Variants in SLIT2 observed in about 807,000 individuals in gnomAD.
SLIT2 encodes slit guidance ligand 2.
In SLIT2, 41 loss-of-function variants were observed where a neutral mutation model predicts 185.7. The ratio of observed to expected loss-of-function variants is 0.22; its 90% CI spans 0.17 to 0.29. The LOEUF (loss-of-function observed/expected upper bound fraction) is 0.29. Ranked by LOEUF, SLIT2 falls within the 10% of genes least tolerant of loss-of-function variation. The pLI, the probability that SLIT2 is intolerant of heterozygous loss-of-function variation, is 1.00. For missense variants in SLIT2, 1,571 were observed against 1,909.0 expected (o/e 0.82, Z 3.30); for synonymous variants, 693 against 680.2 (o/e 1.02, Z -0.29).
At chr4:20,407,491 C>T (rs10008965) in intron 4 of SLIT2, among the ~76,000 whole-genome samples, 1 of 152,044 alleles carries the variant, frequency 6.6e-6, no homozygotes, top group African/African-American at 2.4e-5. Context: ...GATATCTTCC[C>T]CCTCCCTGGC....
rs117278052 is a variant in SLIT2 at position 20,620,364 on chromosome 4, G to A, written c.*1355G>A. The A allele has an allele frequency of 7.8e-3, 3,505 of 449,274 alleles. 97 individuals are homozygous for A. Among genetic ancestry groups the A allele is most frequent in the South Asian group, 0.046 (2,853 of 62,444 alleles). The allele number at this position is 449,274 out of a possible 1,614,324, so 27.8% of individuals were successfully genotyped here. On this transcript the variant is annotated 3_prime_UTR_variant, in exon 37 of 37. Coordinates refer to ENST00000504154, the MANE Select transcript of SLIT2 (RefSeq NM_004787.4). ...AAATTACAATGTAGAATTGATAATG[G>A]TTTATAGTGAACTGTGCTCTTCCCT... is the stretch of plus-strand genomic sequence containing the variant.
intron 4 of SLIT2, among the ~76,000 whole-genome samples, chr4:20,432,386 A>G (rs146563135): frequency 3.0e-4 from 45 of 152,326 alleles, no homozygotes; most frequent in African/African-American, 1.1e-3. Context: ...CAAGAAAAAT[A>G]CTTCTGAGAA....
intron 21 of SLIT2, 74 bp from the exon 22 acceptor site, chr4:20,545,951 AAGAGTG>A: frequency 1.4e-6 from 1 of 690,610 alleles, no homozygotes; most frequent in Non-Finnish European, 2.3e-6. Flanking sequence ...TGCCTCAGTT[AAGAGTG>A]AAGTACTGTT....
intron 4 of SLIT2, among the ~76,000 whole-genome samples, chr4:20,330,713 T>TC (rs1719991248): frequency 6.6e-6 from 1 of 151,606 alleles, no homozygotes; most frequent in African/African-American, 2.4e-5. Context: ...GTATTTTTTT[T>TC]CCTATTTCCA....
At chr4:20,331,208 A>G (rs758281573) in intron 4 of SLIT2, among the ~76,000 whole-genome samples, 3 of 152,164 alleles carry the variant, frequency 2.0e-5, no homozygotes, top group Non-Finnish European at 4.4e-5. Context: ...ATGAATTCAC[A>G]TAGGAAAAAA....
intron 4 of SLIT2, among the ~76,000 whole-genome samples, chr4:20,379,036 G>T (rs1430306360): frequency 6.6e-6 from 1 of 152,108 alleles, no homozygotes; most frequent in Non-Finnish European, 1.5e-5. Context: ...GTACAGAGGG[G>T]TTTTAGGCCA....
chr4:20,504,964 G>C (rs1719070635), intron 9 of SLIT2, among the ~76,000 whole-genome samples: 1 of 151,966 alleles, frequency 6.6e-6, no homozygotes, highest in Non-Finnish European at 1.5e-5. Flanking sequence ...AGTGTATATA[G>C]GGTTCAGTAC....
At chr4:20,458,748 G>C (rs186846427) in intron 4 of SLIT2, among the ~76,000 whole-genome samples, 1 of 152,280 alleles carries the variant, frequency 6.6e-6, no homozygotes, top group Admixed American at 6.5e-5. Flanking sequence ...TCAAATCCCA[G>C]CTCCGCTGCT....
intron 4 of SLIT2, among the ~76,000 whole-genome samples, chr4:20,399,599 A>G (rs1035550477): frequency 6.6e-6 from 1 of 151,944 alleles, no homozygotes; most frequent in South Asian, 2.1e-4. Flanking sequence ...GTGTTCCTTG[A>G]GTACCTAATG....
intron 29 of SLIT2, among the ~76,000 whole-genome samples, chr4:20,571,283 A>G (rs1725582814): frequency 6.6e-6 from 1 of 152,174 alleles, no homozygotes; most frequent in Admixed American, 6.6e-5. Flanking sequence ...TAATTTGGGC[A>G]AAGAATCAAC....
chr4:20,541,467 A>G lies in SLIT2; in HGVS notation c.1991A>G (p.Asn664Ser), dbSNP rs1722796512. The part of the protein sequence containing the change: ...HSLSTLNLLA[N>S]PFNCNCYLAW... ...GTGGCTCTTAGAAACCTCTTGGCCA[A>G]TCCTTTTAACTGTAACTGCTACCTG... The change falls in exon 20 of 37, where the codon AAT (asparagine) becomes AGT (serine). Residue 664 changes from asparagine to serine, a missense_variant. Physicochemically the swap from Asn to Ser is conservative, Grantham distance 46 (BLOSUM62 1). This residue lies in a region of SLIT2 where 1,202 missense variants were observed against 1,416.4 expected (regional missense o/e 0.85). Coordinates refer to ENST00000504154, the MANE Select transcript of SLIT2 (RefSeq NM_004787.4). 6.2e-7 allele frequency: 1 copy of G among 1,613,966 alleles called. No homozygotes were observed. Among genetic ancestry groups the G allele is most frequent in the Non-Finnish European group, 8.5e-7 (1 of 1,179,926 alleles).
chr4:20,372,217 A>G (rs1165757030), intron 4 of SLIT2, among the ~76,000 whole-genome samples: 1 of 152,040 alleles, frequency 6.6e-6, no homozygotes, highest in Non-Finnish European at 1.5e-5. Context: ...TTCTATTTCC[A>G]TTTCACAGGT....
chr4:20,488,220 G>A (rs1484844409), intron 7 of SLIT2, among the ~76,000 whole-genome samples: 5 of 152,130 alleles, frequency 3.3e-5, no homozygotes, highest in Non-Finnish European at 7.4e-5. Context: ...CCTGCTCTTT[G>A]AGGCTAGGTC....
Position 20,615,805 on chromosome 4 carries a change from G to A in SLIT2, c.3848-1105G>A, listed in dbSNP as rs548613876. On this transcript the variant is annotated intron_variant, in intron 34 of 36. Transcript: ENST00000504154. ...GACCCCCTGAAGAGTGAGAAACTGGGTCTTCCTCAGCCTAGAACTTCCAGC... is the reference window on the plus strand; with the variant it reads ...GACCCCCTGAAGAGTGAGAAACTGGATCTTCCTCAGCCTAGAACTTCCAGC... 3.3e-5 allele frequency: 5 copies of A among 152,354 alleles called. No homozygotes were observed. In the South Asian group the frequency reaches 1.0e-3, roughly 32 times the overall value. 9.4% of individuals were successfully genotyped at this position (152,354 alleles called of 1,614,324 possible).
chr4:20,393,190 C>T (rs35301988), intron 4 of SLIT2, among the ~76,000 whole-genome samples: 10,758 of 152,078 alleles, frequency 0.071, 456 homozygotes, highest in Non-Finnish European at 0.099. Flanking sequence ...TTGACTGAGA[C>T]GTCTTTATAT....
At chr4:20,414,037 T>C (rs886955009) in intron 4 of SLIT2, among the ~76,000 whole-genome samples, 3 of 152,154 alleles carry the variant, frequency 2.0e-5, no homozygotes, top group African/African-American at 7.2e-5. Flanking sequence ...TGTGTTTTTC[T>C]CTCTTATTGC....
intron 4 of SLIT2, among the ~76,000 whole-genome samples, chr4:20,284,906 A>G (rs1222308447): frequency 2.0e-5 from 3 of 152,246 alleles, no homozygotes; most frequent in Non-Finnish European, 4.4e-5. Flanking sequence ...GTTTAGTCTC[A>G]TCATTTTGTG....
chr4:20,511,189 G>C (rs972818781), intron 11 of SLIT2, 52 bp downstream of exon 11: 4 of 1,072,890 alleles, frequency 3.7e-6, no homozygotes, highest in Non-Finnish European at 5.6e-6. Flanking sequence ...ACAAAGAGTG[G>C]CTACCTTTTT....
chr4:20,425,227 A>G (rs1246249361), intron 4 of SLIT2, among the ~76,000 whole-genome samples: 2 of 152,080 alleles, frequency 1.3e-5, no homozygotes, highest in Non-Finnish European at 2.9e-5. Flanking sequence ...TAATTTTTTC[A>G]CAAAGTTTTA....
Sources: gnomAD v4.1 joint callset for allele counts (sites outside exome capture counted in the v4.1 genomes callset) on GRCh38, gnomAD v4.1.1 for gene constraint, gnomAD v4.1.1 regional missense constraint, MANE v1.5 for transcripts, NCBI Gene and HGNC (gene_info 2026-07-23, HGNC 2026-07-21) for gene names.